The following TPRG1 variants were observed in gnomAD, a reference collection of about 807,000 sequenced individuals.
TPRG1 encodes the protein tumor protein p63 regulated 1.
A neutral mutation model predicts 29.3 loss-of-function variants in TPRG1; 29 were observed. The observed-to-expected ratio is 0.99, with a 90% CI of 0.74 to 1.35. TPRG1 has a LOEUF of 1.35. Ranked by LOEUF, TPRG1 falls within the 40% of genes most tolerant of loss-of-function variation. The pLI is 0.00. For missense variants in TPRG1, 327 were observed against 335.0 expected (o/e 0.98, Z 0.19); for synonymous variants, 130 against 116.8 (o/e 1.11, Z -0.73).
chr3:189,195,135 G>A (rs1268995796), intron 1 of TPRG1, among the ~76,000 whole-genome samples: 2 of 152,068 alleles, frequency 1.3e-5, no homozygotes, highest in South Asian at 2.1e-4. Flanking sequence ...AGGCCTGAGG[G>A]TATGGTGACT....
chr3:189,283,948 T>C (rs1717586903), intron 4 of TPRG1, among the ~76,000 whole-genome samples: 1 of 152,210 alleles, frequency 6.6e-6, no homozygotes, highest in Non-Finnish European at 1.5e-5. Context: ...TTTATGTTAT[T>C]GAACAGATAA....
At chr3:189,173,941 G>A (rs894304186) in intron 1 of TPRG1, among the ~76,000 whole-genome samples, 1 of 152,158 alleles carries the variant, frequency 6.6e-6, no homozygotes, top group African/African-American at 2.4e-5. Flanking sequence ...TATTGACTTG[G>A]TTCTTCTGGA....
intron 5 of TPRG1, among the ~76,000 whole-genome samples, chr3:189,317,075 T>C (rs1353937121): frequency 6.6e-6 from 1 of 152,174 alleles, no homozygotes; most frequent in East Asian, 1.9e-4. Flanking sequence ...TGCCAACTTT[T>C]ACTTTCTAGC....
At chr3:189,168,017 C>T (rs1294739698), upstream of TPRG1, among the ~76,000 whole-genome samples, 2 of 151,994 alleles carry the variant, frequency 1.3e-5, no homozygotes, top group South Asian at 2.1e-4. Flanking sequence ...TGAACCTGTG[C>T]GACAATGAAA....
rs1722310436 is a variant in TPRG1 at position 189,310,491 on chromosome 3, T to G, written c.585T>G (p.Thr195=). The G allele has an allele frequency of 3.1e-6, 5 of 1,612,478 alleles. 1 individual carries two copies. In the South Asian group the frequency reaches 5.5e-5, roughly 18 times the overall value. Residue 195 remains threonine, a synonymous_variant, in exon 5 of 6, where the codon ACT becomes ACG. Coordinates refer to ENST00000345063, the MANE Select transcript of TPRG1 (RefSeq NM_198485.4). ...WSTEVPYATF[T]EHPMKYTSEK... Reference sequence around the variant, plus strand: ...CTGAAGTTCCTTATGCTACTTTCACTGAGCATCCTATGAAATACACCAGTG... The same window carrying G: ...CTGAAGTTCCTTATGCTACTTTCACGGAGCATCCTATGAAATACACCAGTG...
rs552012087 is a variant in TPRG1 at position 189,115,262 on chromosome 3, G to A, written c.-743-11795G>A. 7.6e-4 allele frequency among the ~76,000 whole-genome samples: 116 copies of A among 152,312 alleles called. No individual in the cohort carries two copies. In the Middle Eastern group the frequency reaches 0.017, roughly 22 times the overall value. ...ATGGATCAGAATTTGAGAGAAGAGA[G>A]GAGTGTTATTTATTGCCTTCCACTA... On this transcript the variant is annotated intron_variant, in intron 1 of 6. Coordinates refer to the TPRG1 transcript ENST00000412373.
chr3:189,040,005 A>C (rs763307929), intron 4 of TPRG1, among the ~76,000 whole-genome samples: 1 of 152,148 alleles, frequency 6.6e-6, no homozygotes, highest in Non-Finnish European at 1.5e-5. Flanking sequence ...TTGATCCATT[A>C]CTTTAAGATA....
At chr3:189,310,624 CAAAATAAAATAAAATAAAATAAAAT>C (rs201735894) in intron 5 of TPRG1, 85 bp downstream of exon 5, 9 of 470,404 alleles carry the variant, frequency 1.9e-5, no homozygotes, top group Admixed American at 1.1e-4. Flanking sequence ...CTAAACAAAA[CAAAATAAAATAAAATAAAATAAAAT>C]AAAATAAAAT....
intron 2 of TPRG1, among the ~76,000 whole-genome samples, chr3:189,214,155 A>G (rs1326891272): frequency 6.6e-6 from 1 of 152,214 alleles, no homozygotes; most frequent in Admixed American, 6.5e-5. Context: ...CTACATGATT[A>G]TACTCATCTT....
chr3:188,997,654 T>C lies in TPRG1; in HGVS notation c.-1015-3120T>C, dbSNP rs9860842. On this transcript the variant is annotated intron_variant, in intron 1 of 10. Coordinates refer to the TPRG1 transcript ENST00000433971. ...GACTCAAGTAATTCACTGTCTGAGA[T>C]AGCTACCCTTCAGCCTCAAAGAATG... Among the ~76,000 whole-genome samples, 341 of 152,266 alleles carry C rather than the reference T, an allele frequency of 2.2e-3. 2 individuals are homozygous for C. The highest frequency in any genetic ancestry group is 7.9e-3 in the African/African-American group (328 of 41,556).
chr3:189,156,194 A>T (rs977822718), intron 5 of TPRG1, among the ~76,000 whole-genome samples: 3 of 152,170 alleles, frequency 2.0e-5, no homozygotes, highest in African/African-American at 7.2e-5. Context: ...GAGACAGAAA[A>T]GGTGCTATGC....
intron 4 of TPRG1, among the ~76,000 whole-genome samples, chr3:189,049,613 T>C (rs987493440): frequency 2.9e-4 from 44 of 152,180 alleles, no homozygotes; most frequent in African/African-American, 1.0e-3. Flanking sequence ...TCTAGGGCCC[T>C]GCCCACCACC....
intron 1 of TPRG1, among the ~76,000 whole-genome samples, chr3:189,196,453 C>G (rs1431157217): frequency 6.6e-6 from 1 of 152,122 alleles, no homozygotes; most frequent in Non-Finnish European, 1.5e-5. Context: ...TTCCACATGG[C>G]TGGGGAGGCT....
intron 4 of TPRG1, among the ~76,000 whole-genome samples, chr3:189,056,094 TTCC>T (rs1715676441): frequency 7.9e-6 from 1 of 127,102 alleles, no homozygotes; most frequent in Admixed American, 8.5e-5. Context: ...CCTTCCTTCC[TTCC>T]TTCCCTCTTT....
At chr3:189,315,291 T>C (rs12634357) in intron 5 of TPRG1, among the ~76,000 whole-genome samples, 17 of 135,490 alleles carry the variant, frequency 1.3e-4, no homozygotes, top group South Asian at 5.0e-4. Flanking sequence ...TGTGTGTGTG[T>C]GTGTGTGTGT....
At chr3:189,005,411 C>A (rs139217611) in intron 3 of TPRG1, among the ~76,000 whole-genome samples, 1 of 152,040 alleles carries the variant, frequency 6.6e-6, no homozygotes, top group Non-Finnish European at 1.5e-5. Flanking sequence ...TGAGTCTGAA[C>A]TTTTGGCCCA....
rs200798737 is a variant in TPRG1, at chr3:189,310,504, A to C, written c.598A>C (p.Lys200Gln). ...TGCTACTTTCACTGAGCATCCTATG[A>C]AATACACCAGTGAGAAATTCCTTGA... The part of the protein sequence containing the change: ...PYATFTEHPM[K>Q]YTSEKFLEIC... Residue 200 changes from lysine to glutamine, a missense_variant, in exon 5 of 6, where the codon AAA becomes CAA. Physicochemically the swap from Lys to Gln is moderately conservative, Grantham distance 53. Coordinates refer to ENST00000345063, the MANE Select transcript of TPRG1 (RefSeq NM_198485.4). 5 of 1,611,632 alleles carry C rather than the reference A, an allele frequency of 3.1e-6. No individual in the cohort carries two copies. The highest frequency in any genetic ancestry group is 4.2e-6 in the Non-Finnish European group (5 of 1,179,114).
chr3:189,260,639 G>C, intron 4 of TPRG1, among the ~76,000 whole-genome samples: 1 of 152,298 alleles, frequency 6.6e-6, no homozygotes, highest in South Asian at 2.1e-4. Context: ...AGAAGGCATC[G>C]CACATGTATC....
chr3:189,223,077 C>G (rs1237348114), intron 3 of TPRG1, among the ~76,000 whole-genome samples: 1 of 152,174 alleles, frequency 6.6e-6, no homozygotes, highest in Non-Finnish European at 1.5e-5. Context: ...GAGGCAGGGC[C>G]TGATTCTGAG....
Sources: allele counts gnomAD v4.1 joint callset (sites outside exome capture counted in the v4.1 genomes callset), GRCh38; gene constraint gnomAD v4.1.1; transcripts MANE v1.5; gene names NCBI Gene and HGNC (gene_info 2026-07-23, HGNC 2026-07-21).